NF1: variants seen among roughly 807,000 people sequenced by gnomAD.
The protein encoded by NF1 is neurofibromin.
NF1 carries 122 observed loss-of-function variants against 325.7 expected under a neutral mutation model. The ratio of observed to expected loss-of-function variants is 0.37; its 90% confidence interval spans 0.32 to 0.44. NF1 has a LOEUF of 0.44. NF1 is among the 20% of genes least tolerant of loss of function. The pLI, the probability that NF1 is intolerant of heterozygous loss-of-function variation, is 1.00. For missense variants in NF1, 2,140 were observed against 3,415.4 expected (o/e 0.63, Z 9.31); for synonymous variants, 1,091 against 1,186.0 (o/e 0.92, Z 1.65).
intron 36 of NF1, among the ~76,000 whole-genome samples, chr17:31,310,716 TAG>T (rs556859419): frequency 1.6e-4 from 24 of 152,120 alleles, no homozygotes; most frequent in Non-Finnish European, 2.9e-4. Context: ...ACGTTTTATA[TAG>T]AGTTTTCCAG....
At chr17:31,107,940 T>C (rs1913013483) in intron 1 of NF1, among the ~76,000 whole-genome samples, 2 of 151,660 alleles carry the variant, frequency 1.3e-5, no homozygotes, top group Admixed American at 1.3e-4. Flanking sequence ...GAGTTTGAGA[T>C]CAACCTGGAC....
At chr17:31,167,724 A>C (rs936673866) in intron 4 of NF1, among the ~76,000 whole-genome samples, 3 of 152,162 alleles carry the variant, frequency 2.0e-5, no homozygotes, top group African/African-American at 7.2e-5. Flanking sequence ...AATGGAAGAA[A>C]AGTTTAATGC....
chr17:31,156,210 A>G, intron 2 of NF1, 84 bp downstream of exon 2: 1 of 1,487,314 alleles, frequency 6.7e-7, no homozygotes, highest in Non-Finnish European at 9.3e-7. Context: ...ATTTTGAAGT[A>G]TGGAAAGTGA....
intron 15 of NF1, 33 bp downstream of exon 15, chr17:31,221,962 T>G (rs763724794): frequency 1.3e-6 from 2 of 1,547,806 alleles, no homozygotes; most frequent in African/African-American, 1.4e-5. Context: ...AATTCAACTT[T>G]TAAATTTTAT....
intron 1 of NF1, among the ~76,000 whole-genome samples, chr17:31,147,875 A>T (rs1916685100): frequency 1.3e-5 from 2 of 152,208 alleles, no homozygotes; most frequent in Non-Finnish European, 2.9e-5. Flanking sequence ...AGATTCCCTC[A>T]CGTCTTCAGT....
Position 31,337,516 on chromosome 17 carries a change from T to A in NF1, c.6576T>A (p.Tyr2192Ter), listed in dbSNP as rs758917402. 1 of 1,614,084 alleles carries A rather than the reference T, an allele frequency of 6.2e-7. No homozygotes were observed. The highest frequency in any genetic ancestry group is 8.5e-7 in the Non-Finnish European group (1 of 1,179,956). The stretch of plus-strand genomic sequence containing the variant: ...ACAGGTCATTCTCTCCTGGCTCCTA[T>A]GAGAGAGAGACTTTTGCTTTGACAT... ...YRDRSFSPGS[Y>*]ERETFALTSL... is the part of the protein sequence containing the mutation. Residue 2192 changes from tyrosine to a stop codon, truncating the protein, a stop_gained, in exon 43 of 58, where the codon TAT (tyrosine) becomes TAA (stop). Coordinates refer to ENST00000358273, the MANE Select transcript of NF1 (RefSeq NM_001042492.3). LOFTEE classifies it high-confidence loss of function.
chr17:31,145,817 G>A (rs182731428), intron 1 of NF1, among the ~76,000 whole-genome samples: 16 of 152,250 alleles, frequency 1.1e-4, no homozygotes, highest in East Asian at 7.7e-4. Flanking sequence ...TCAGATGTCC[G>A]ACATGGGAAA....
chr17:31,249,810 AGGGAG>A, intron 30 of NF1: 1 of 362,216 alleles, frequency 2.8e-6, no homozygotes, highest in South Asian at 2.2e-5. Context: ...ATTTATTCCA[AGGGAG>A]GTCCTGCAAA....
At position 31,335,290 on chromosome 17, in the gene NF1, A is replaced by ATG. The variant is rs1555534475; in HGVS notation, c.6006+260_6006+261insGT. On this transcript the variant is annotated intron_variant, in intron 40 of 57. Transcript: ENST00000358273. Reference sequence around the variant, plus strand: ...AAGGCATAATTATATATATATATATATATATAATTATGCCTTGAAGGAGAC... The same window carrying ATG: ...AAGGCATAATTATATATATATATATATGTATATAATTATGCCTTGAAGGAGAC... Among the ~76,000 whole-genome samples, 200 of 71,652 alleles carry ATG rather than the reference A, an allele frequency of 2.8e-3. 42 individuals are homozygous for ATG. The highest frequency in any genetic ancestry group is 3.6e-3 in the South Asian group (7 of 1,938). 47.0% of individuals were successfully genotyped at this position (71,652 alleles called of 152,430 possible).
rs894292181 is a variant in NF1, at chr17:31,219,104, C to T, written c.1627C>T (p.Gln543Ter). 1 of 1,613,362 alleles carries T rather than the reference C, an allele frequency of 6.2e-7. No individual in the cohort carries two copies. Among genetic ancestry groups the T allele is most frequent in the African/African-American group, 1.3e-5 (1 of 74,858 alleles). The change falls in exon 14 of 58, where the codon CAG becomes TAG. Residue 543 changes from glutamine (Q) to a stop codon, truncating the protein, a stop_gained. Transcript: ENST00000358273. LOFTEE classifies it high-confidence loss of function. Reference protein sequence around the residue: ...VPQSHMPEIAQEAMEALLVLH... With the variant: ...VPQSHMPEIA ...TCAGTCACACATGCCAGAGATTGCT[C>T]AGGAAGCAATGGAGGTAAGGGGAAA...
At chr17:31,131,644 C>T (rs1356727496) in intron 1 of NF1, among the ~76,000 whole-genome samples, 1 of 152,178 alleles carries the variant, frequency 6.6e-6, no homozygotes, top group Non-Finnish European at 1.5e-5. Flanking sequence ...ATTGATGTTA[C>T]ATTCTGTGGG....
At chr17:31,116,895 T>G (rs1015191209) in intron 1 of NF1, among the ~76,000 whole-genome samples, 1 of 151,744 alleles carries the variant, frequency 6.6e-6, no homozygotes, top group Non-Finnish European at 1.5e-5. Context: ...GCCAGGATGG[T>G]CTCGATCTCC....
intron 13 of NF1, 93 bp from the exon 14 acceptor site, chr17:31,218,912 T>A: frequency 7.7e-7 from 1 of 1,295,062 alleles, no homozygotes; most frequent in Middle Eastern, 2.1e-4. Flanking sequence ...AGAAACTTGG[T>A]ACCCTTTAGC....
At chr17:31,117,400 C>A (rs917233236) in intron 1 of NF1, among the ~76,000 whole-genome samples, 1 of 151,124 alleles carries the variant, frequency 6.6e-6, no homozygotes. Flanking sequence ...CGGCCAGGCG[C>A]GGTGGCTCAT....
chr17:31,309,196 T>G (rs1405241464), intron 36 of NF1, among the ~76,000 whole-genome samples: 1 of 152,222 alleles, frequency 6.6e-6, no homozygotes, highest in Non-Finnish European at 1.5e-5. Context: ...CTGCTACCCT[T>G]TATTGCCTCA....
At chr17:31,225,352 A>C in intron 17 of NF1, 102 bp downstream of exon 17, 1 of 1,299,980 alleles carries the variant, frequency 7.7e-7, no homozygotes, top group Admixed American at 1.7e-5. Context: ...GTAATAGTGA[A>C]AAACTGCTTA....
chr17:31,244,622 A>G (rs1461401711), intron 29 of NF1, among the ~76,000 whole-genome samples: 1 of 152,016 alleles, frequency 6.6e-6, no homozygotes, highest in Non-Finnish European at 1.5e-5. Context: ...AAGTCCCATA[A>G]TCACTGTGCT....
At chr17:31,181,858 G>C in intron 7 of NF1, 73 bp downstream of exon 7, 1 of 1,042,478 alleles carries the variant, frequency 9.6e-7, no homozygotes, top group Non-Finnish European at 1.5e-6. Context: ...ACCTATCATC[G>C]TTTTCCAAGT....
chr17:31,278,575 C>G (rs1183507712), intron 36 of NF1, among the ~76,000 whole-genome samples: 1 of 123,434 alleles, frequency 8.1e-6, no homozygotes, highest in African/African-American at 3.0e-5. Flanking sequence ...GCTCATTGCA[C>G]CTGTGCCTCA....
Sources: gnomAD v4.1 joint callset for allele counts (sites outside exome capture counted in the v4.1 genomes callset) on GRCh38, gnomAD v4.1.1 for gene constraint, MANE v1.5 for transcripts, NCBI Gene and HGNC (gene_info 2026-07-23, HGNC 2026-07-21) for gene names.